Variants in IKZF2 observed in about 807,000 individuals in gnomAD.
The protein encoded by IKZF2 is zinc finger protein Helios.
IKZF2 carries 15 observed loss-of-function variants against 49.2 expected under a neutral mutation model. The observed-to-expected ratio is 0.30, with a 90% CI of 0.20 to 0.47. IKZF2 has a LOEUF of 0.47. Ranked by LOEUF, IKZF2 falls within the 20% of genes least tolerant of loss-of-function variation. The pLI is 1.00. For synonymous variants in IKZF2, 227 were observed against 221.4 expected, an observed-to-expected ratio of 1.03 and a Z score of -0.23; for missense variants, 567 against 664.6, an observed-to-expected ratio of 0.85 and a Z score of 1.61.
intron 4 of IKZF2, among the ~76,000 whole-genome samples, chr2:213,069,848 G>A (rs1264441642): frequency 6.6e-6 from 1 of 152,000 alleles, no homozygotes; most frequent in Non-Finnish European, 1.5e-5. Context: ...AGAGTAAGCT[G>A]TTTTTTTCTT....
chr2:213,057,204 T>C (rs780260152), intron 4 of IKZF2, 105 bp from the exon 5 acceptor site: 32 of 998,028 alleles, frequency 3.2e-5, no homozygotes, highest in Middle Eastern at 2.7e-4. Flanking sequence ...GAAAATGATA[T>C]ATAAAGTAGA....
At chr2:213,150,023 A>C (rs1296708080) in intron 2 of IKZF2, 121 bp downstream of exon 2, 1 of 423,982 alleles carries the variant, frequency 2.4e-6, no homozygotes, top group Non-Finnish European at 4.4e-6. Flanking sequence ...ACACATATTA[A>C]AAAGAAAGAA....
chr2:213,014,998 A>G (rs892212334), intron 7 of IKZF2: 3 of 152,012 alleles, frequency 2.0e-5, no homozygotes, highest in African/African-American at 7.2e-5. Flanking sequence ...TTTCATTTGT[A>G]TAAGATAGTC....
At chr2:213,096,374 T>A (rs62187855) in intron 4 of IKZF2, among the ~76,000 whole-genome samples, 43,548 of 151,786 alleles carry the variant, frequency 0.29, 7,198 homozygotes, top group Non-Finnish European at 0.38. Flanking sequence ...TACAGAGATA[T>A]TTAAACCAGT....
intron 4 of IKZF2, among the ~76,000 whole-genome samples, chr2:213,113,459 T>C (rs1186591003): frequency 6.6e-6 from 1 of 152,184 alleles, no homozygotes; most frequent in African/African-American, 2.4e-5. Context: ...GAGAATAGCT[T>C]TTTCTTACAC....
intron 6 of IKZF2, among the ~76,000 whole-genome samples, chr2:213,045,258 G>T (rs746167744): frequency 6.6e-6 from 1 of 152,198 alleles, no homozygotes; most frequent in Non-Finnish European, 1.5e-5. Context: ...TGGCATTGAT[G>T]CAGACTTAAT....
intron 1 of IKZF2, among the ~76,000 whole-genome samples, chr2:213,151,086 G>C (rs961618981): frequency 2.0e-5 from 3 of 151,910 alleles, no homozygotes; most frequent in African/African-American, 7.3e-5. Flanking sequence ...CCCAGAAACA[G>C]ATTACAAGGA....
At chr2:213,124,749 G>C (rs1337350209) in intron 4 of IKZF2, among the ~76,000 whole-genome samples, 1 of 152,188 alleles carries the variant, frequency 6.6e-6, no homozygotes, top group Non-Finnish European at 1.5e-5. Context: ...CTCAAGGGTA[G>C]GCTTTGCCTA....
chr2:213,079,438 AAG>A (rs1703660762), intron 4 of IKZF2, among the ~76,000 whole-genome samples: 1 of 108,882 alleles, frequency 9.2e-6, no homozygotes, highest in Non-Finnish European at 2.0e-5. Flanking sequence ...GAAGGAAGGA[AAG>A]GAGGGAGGGA....
intron 6 of IKZF2, among the ~76,000 whole-genome samples, chr2:213,034,691 C>T (rs1011448786): frequency 6.6e-6 from 1 of 152,086 alleles, no homozygotes; most frequent in Non-Finnish European, 1.5e-5. Flanking sequence ...CAAGAAAGAT[C>T]ACAGATCACA....
rs1407775315 is a variant in IKZF2 at position 213,003,446 on chromosome 2, T to C, written c.*3914A>G. The C allele has an allele frequency of 6.6e-6, 1 of 151,720 alleles. No homozygotes were observed. The highest frequency in any genetic ancestry group is 2.4e-5 in the African/African-American group (1 of 41,398). The allele number at this position is 151,720 out of a possible 1,614,324, so 9.4% of individuals were successfully genotyped here. A position where few individuals can be genotyped will look rare whatever the true frequency, so the allele number is the denominator to read the frequency against. On this transcript the variant is annotated 3_prime_UTR_variant, in exon 9 of 9. Coordinates refer to ENST00000434687, the MANE Select transcript of IKZF2 (RefSeq NM_001387220.1). ...AAAATAATACATAAAATGCAACTGA[T>C]GATAAACACAAATGTAATTTATCCA... is the stretch of plus-strand genomic sequence containing the variant.
chr2:213,145,776 G>C (rs1444820279), intron 4 of IKZF2, among the ~76,000 whole-genome samples: 1 of 152,060 alleles, frequency 6.6e-6, no homozygotes, highest in African/African-American at 2.4e-5. Flanking sequence ...CTTTGGAAAA[G>C]AACCTGAAAA....
chr2:213,033,044 T>C (rs532743582), intron 6 of IKZF2, among the ~76,000 whole-genome samples: 2 of 152,332 alleles, frequency 1.3e-5, no homozygotes, highest in Admixed American at 6.5e-5. Context: ...TTATGTAATA[T>C]TCCAAATCCT....
In IKZF2 at chr2:213,110,411, T is replaced by G. The variant is rs546318403; in HGVS notation, c.139+37297A>C. Among the ~76,000 whole-genome samples the G allele has an allele frequency of 6.6e-5, 10 of 151,722 alleles. 1 individual carries two copies. The highest frequency in any genetic ancestry group is 2.2e-4 in the African/African-American group (9 of 41,462). ...TAATTATTAGTAAACATTTCTGGGG[T>G]TTTTTTTACCCAACTTATTTTCTTC... On this transcript the variant is annotated intron_variant, in intron 4 of 8. Transcript: ENST00000434687.
At chr2:213,014,618 C>G (rs1696363971) in intron 7 of IKZF2, 1 of 151,970 alleles carries the variant, frequency 6.6e-6, no homozygotes. Context: ...AAACTACTGC[C>G]CTAATTCATT....
At chr2:213,019,980 A>G (rs150494014) in intron 7 of IKZF2, among the ~76,000 whole-genome samples, 5 of 152,344 alleles carry the variant, frequency 3.3e-5, no homozygotes, top group African/African-American at 1.2e-4. Context: ...TTACCTCCCT[A>G]TTACCATATA....
At chr2:213,014,701 C>G (rs997934213) in intron 7 of IKZF2, 2 of 151,924 alleles carry the variant, frequency 1.3e-5, no homozygotes, top group African/African-American at 2.4e-5. Flanking sequence ...TCTGTTAGCC[C>G]TTAGACACTG....
chr2:213,064,251 A>G (rs751047474), intron 4 of IKZF2, among the ~76,000 whole-genome samples: 1 of 152,010 alleles, frequency 6.6e-6, no homozygotes, highest in Non-Finnish European at 1.5e-5. Context: ...ATAGTTTATG[A>G]AGGATAGCAT....
chr2:213,107,785 A>C (rs1448205044), intron 4 of IKZF2, among the ~76,000 whole-genome samples: 1 of 152,198 alleles, frequency 6.6e-6, no homozygotes, highest in African/African-American at 2.4e-5. Flanking sequence ...CCTTCTTGAC[A>C]ACATTTTAGA....
Sources: gnomAD v4.1 joint callset for allele counts (sites outside exome capture counted in the v4.1 genomes callset) on GRCh38, gnomAD v4.1.1 for gene constraint, MANE v1.5 for transcripts, NCBI Gene and HGNC (gene_info 2026-07-23, HGNC 2026-07-21) for gene names.